The following RAPGEF2 variants were observed in gnomAD, a reference collection of about 807,000 sequenced individuals.
RAPGEF2 encodes the protein PDZ domain containing guanine nucleotide exchange factor (GEF) 1.
RAPGEF2 carries 54 observed loss-of-function variants against 186.7 expected under a neutral mutation model. The observed-to-expected ratio is 0.29, with a 90% CI of 0.23 to 0.36. RAPGEF2 has a LOEUF of 0.36. RAPGEF2 is among the 10% of genes least tolerant of loss of function. The pLI is 1.00. For synonymous variants in RAPGEF2, 712 were observed against 705.9 expected (o/e 1.01, Z -0.14); for missense variants, 1,532 against 2,045.0 (o/e 0.75, Z 4.84).
chr4:159,356,032 G>A lies in RAPGEF2; in HGVS notation c.4831G>A (p.Val1611Ile), dbSNP rs368292696. ...RSSDTAGPSS[V>I]QQPHGHPTSS... ...CTCCGACACAGCTGGGCCTTCATCC[G>A]TACAGCAGCCACATGGGCATCCCAC... The change falls in exon 29 of 30, where the codon GTA (valine) becomes ATA (isoleucine). Residue 1611 changes from valine (V) to isoleucine (I), a missense_variant. This residue lies in a region of RAPGEF2 where 594 missense variants were observed against 608.5 expected (regional missense o/e 0.98). Transcript: ENST00000691494. 4.6e-4 allele frequency: 740 copies of A among 1,613,980 alleles called. 6 individuals carry two copies. The South Asian group carries it at 7.5e-3, about 16-fold the overall frequency.
intron 1 of RAPGEF2, among the ~76,000 whole-genome samples, chr4:159,140,266 A>G (rs1742166473): frequency 6.6e-6 from 1 of 152,320 alleles, no homozygotes; most frequent in Non-Finnish European, 1.5e-5. Context: ...GTAATTTAGT[A>G]TAGCCATTTG....
chr4:159,165,793 A>G (rs1409934293), intron 1 of RAPGEF2, among the ~76,000 whole-genome samples: 6 of 152,160 alleles, frequency 3.9e-5, no homozygotes, highest in East Asian at 1.9e-4. Flanking sequence ...GGGTCTCGCT[A>G]TGTTGCCCAG....
At chr4:159,348,042 G>GA (rs1730593230) in intron 25 of RAPGEF2, among the ~76,000 whole-genome samples, 1 of 152,142 alleles carries the variant, frequency 6.6e-6, no homozygotes, top group Admixed American at 6.5e-5. Flanking sequence ...CCAACATGGG[G>GA]AAACCCCATC....
intron 9 of RAPGEF2, among the ~76,000 whole-genome samples, chr4:159,315,690 G>A (rs1764502976): frequency 1.3e-5 from 2 of 152,132 alleles, no homozygotes; most frequent in African/African-American, 2.4e-5. Context: ...CACTGGACAG[G>A]GGGCCCTTCC....
intron 7 of RAPGEF2, among the ~76,000 whole-genome samples, chr4:159,288,657 A>G (rs1262627149): frequency 6.6e-6 from 1 of 151,954 alleles, no homozygotes; most frequent in Non-Finnish European, 1.5e-5. Context: ...CTTAATCCCT[A>G]CTGCCTGACC....
intron 4 of RAPGEF2, among the ~76,000 whole-genome samples, chr4:159,231,152 C>T (rs1752590676): frequency 6.6e-6 from 1 of 152,022 alleles, no homozygotes; most frequent in South Asian, 2.1e-4. Flanking sequence ...TAATTGCCTA[C>T]AATATTCAGT....
intron 9 of RAPGEF2, among the ~76,000 whole-genome samples, chr4:159,321,744 A>G (rs1346680698): frequency 6.6e-6 from 1 of 152,194 alleles, no homozygotes; most frequent in African/African-American, 2.4e-5. Flanking sequence ...CTGTTTCTCC[A>G]AAGCATTCCC....
At chr4:159,232,350 C>G (rs1752741670) in intron 4 of RAPGEF2, among the ~76,000 whole-genome samples, 2 of 152,130 alleles carry the variant, frequency 1.3e-5, no homozygotes, top group South Asian at 2.1e-4. Flanking sequence ...TTTGCCTATT[C>G]TAGATATTTC....
chr4:159,116,964 A>G (rs1161949987), intron 1 of RAPGEF2, among the ~76,000 whole-genome samples: 1 of 152,000 alleles, frequency 6.6e-6, no homozygotes, highest in Non-Finnish European at 1.5e-5. Flanking sequence ...GGTGCAGCAA[A>G]CCACCATGGC....
chr4:159,341,706 C>G lies in RAPGEF2; in HGVS notation c.2677C>G (p.Leu893Val). The G allele has an allele frequency of 6.2e-7, 1 of 1,614,062 alleles. No individual in the cohort carries two copies. Among genetic ancestry groups the G allele is most frequent in the Non-Finnish European group, 8.5e-7 (1 of 1,179,942 alleles). ...ATQLSMRNFE[L>V]FRNIEPTEYI... ...ACAGCTCTCTATGCGAAATTTTGAA[C>G]TCTTTCGCAACATTGAACCTACTGA... is the stretch of plus-strand genomic sequence containing the variant. The change falls in exon 20 of 30, where the codon CTC (leucine) becomes GTC (valine). Residue 893 changes from leucine (L) to valine (V), a missense_variant. Transcript: ENST00000691494.
chr4:159,195,114 C>G (rs1177969953), intron 3 of RAPGEF2, among the ~76,000 whole-genome samples: 1 of 152,114 alleles, frequency 6.6e-6, no homozygotes, highest in Non-Finnish European at 1.5e-5. Flanking sequence ...AAATATCCAT[C>G]TCAAGCTTAA....
chr4:159,343,850 G>A (rs1465204629), intron 22 of RAPGEF2, among the ~76,000 whole-genome samples, 186 bp from the exon 23 acceptor site: 1 of 152,214 alleles, frequency 6.6e-6, no homozygotes. Flanking sequence ...AAATTTAAAT[G>A]TATGTGTCTT....
Position 159,341,444 on chromosome 4 carries a change from C to A in RAPGEF2, c.2535-120C>A, listed in dbSNP as rs1436320894. On this transcript the variant is annotated intron_variant, in intron 19 of 29. Coordinates refer to ENST00000691494, the MANE Select transcript of RAPGEF2 (RefSeq NM_001394067.2). ...CTGTCTGTCTTGGTTAAAAAGAAAT[C>A]TTCCATAATTCAAATCAGTGCTCTC... The A allele has an allele frequency of 6.7e-6, 7 of 1,038,786 alleles. No individual in the cohort carries two copies. In the South Asian group the frequency reaches 1.2e-4, roughly 19 times the overall value. The allele number at this position is 1,038,786 out of a possible 1,614,324, so 64.3% of individuals were successfully genotyped here.
intron 4 of RAPGEF2, among the ~76,000 whole-genome samples, chr4:159,223,689 G>A (rs1384584893): frequency 1.3e-5 from 2 of 152,240 alleles, no homozygotes; most frequent in South Asian, 2.1e-4. Flanking sequence ...TAGCGTATAC[G>A]TATCAGAGAC....
At chr4:159,217,325 T>C (rs1751082353) in intron 4 of RAPGEF2, among the ~76,000 whole-genome samples, 2 of 152,154 alleles carry the variant, frequency 1.3e-5, no homozygotes, top group South Asian at 4.1e-4. Context: ...CCCGCTTCCT[T>C]CCTCCTCACT....
At chr4:159,104,260 G>T (rs1440416658) in intron 1 of RAPGEF2, 29 bp downstream of exon 1, 1 of 1,370,106 alleles carries the variant, frequency 7.3e-7, no homozygotes, top group Non-Finnish European at 9.5e-7. Context: ...CCTGCCCTTG[G>T]CCGGATTTCT....
intron 22 of RAPGEF2, among the ~76,000 whole-genome samples, chr4:159,343,653 T>C (rs530422180): frequency 2.6e-5 from 4 of 152,242 alleles, no homozygotes; most frequent in Non-Finnish European, 5.9e-5. Context: ...GACACAATTA[T>C]GTGTTTCTTA....
At chr4:159,188,717 A>G (rs975614709) in intron 2 of RAPGEF2, among the ~76,000 whole-genome samples, 2 of 152,094 alleles carry the variant, frequency 1.3e-5, no homozygotes, top group Admixed American at 6.6e-5. Context: ...ATACTAATGA[A>G]GTTCCATACA....
At chr4:159,181,940 A>G (rs960975320) in intron 1 of RAPGEF2, among the ~76,000 whole-genome samples, 3 of 152,216 alleles carry the variant, frequency 2.0e-5, no homozygotes, top group Non-Finnish European at 4.4e-5. Flanking sequence ...AGGATCTTTT[A>G]TTATAAATGT....
Sources: gnomAD v4.1 joint callset for allele counts (sites outside exome capture counted in the v4.1 genomes callset) on GRCh38, gnomAD v4.1.1 for gene constraint, gnomAD v4.1.1 regional missense constraint, MANE v1.5 for transcripts, NCBI Gene and HGNC (gene_info 2026-07-23, HGNC 2026-07-21) for gene names.